Variants in SPATA3 observed in about 807,000 individuals in gnomAD.
SPATA3 encodes the protein spermatogenesis-associated protein 3.
SPATA3 carries 6 observed loss-of-function variants against 5.7 expected under a neutral mutation model. The observed-to-expected ratio is 1.06, with a 90% confidence interval of 0.58 to 2.09. The LOEUF (loss-of-function observed/expected upper bound fraction) is 2.09, where lower values mean the gene tolerates loss of function less well. SPATA3 is among the 30% of genes most tolerant of loss of function. SPATA3 has a pLI of 0.00. For synonymous variants in SPATA3, 44 were observed against 48.4 expected (o/e 0.91, Z 0.37); for missense variants, 155 against 130.4 (o/e 1.19, Z -0.92).
At chr2:231,000,333 G>T (rs1164801798) in intron 1 of SPATA3, 33 bp from the exon 2 acceptor site, 2 of 1,423,944 alleles carry the variant, frequency 1.4e-6, no homozygotes, top group Non-Finnish European at 1.9e-6. Flanking sequence ...CAGGGCAGGT[G>T]CCTCCCTCAC....
downstream of SPATA3, among the ~76,000 whole-genome samples, chr2:231,011,005 C>T (rs192644135): frequency 1.0e-3 from 136 of 130,580 alleles, 3 homozygotes; most frequent in East Asian, 0.027. Flanking sequence ...CCTGGGAGGT[C>T]AAGGCTGCAG....
intron 6 of SPATA3, among the ~76,000 whole-genome samples, chr2:231,015,833 A>G (rs923160409): frequency 6.6e-6 from 1 of 152,228 alleles, no homozygotes; most frequent in African/African-American, 2.4e-5. Context: ...TGAAAATGCA[A>G]ATGTCTCAGA....
chr2:231,001,989 A>T (rs932032978), intron 2 of SPATA3, among the ~76,000 whole-genome samples: 1 of 152,228 alleles, frequency 6.6e-6, no homozygotes, highest in African/African-American at 2.4e-5. Context: ...AAGCGGGAGC[A>T]ATCTGGGTGC....
At chr2:231,004,074 G>A (rs887787636), downstream of SPATA3, 4 of 152,194 alleles carry the variant, frequency 2.6e-5, no homozygotes, top group Admixed American at 2.0e-4. Context: ...AGGTGATGGC[G>A]CTGGGAGAAG....
At chr2:231,005,328 T>C (rs1176426990), downstream of SPATA3, among the ~76,000 whole-genome samples, 33 of 16,754 alleles carry the variant, frequency 2.0e-3, no homozygotes, top group East Asian at 2.7e-3. Context: ...ATCATCACCA[T>C]CATCACCATC....
rs1306247266 is a variant in SPATA3 at position 231,018,370 on chromosome 2, C to T, written c.*566-1350C>T. 8.5e-5 allele frequency among the ~76,000 whole-genome samples: 13 copies of T among 152,104 alleles called. No homozygotes were observed. The East Asian group carries it at 2.5e-3, about 29-fold the overall frequency. ...TCTGCATAATAAGAAAACCTTAGCT[C>T]ACCATGCATCTCCTCCCCTCTCCTT... On this transcript the variant is annotated intron_variant, in intron 6 of 8. Transcript: ENST00000452881.
downstream of SPATA3, among the ~76,000 whole-genome samples, chr2:231,003,689 G>A (rs1001600969): frequency 1.3e-5 from 2 of 152,204 alleles, no homozygotes; most frequent in South Asian, 2.1e-4. Flanking sequence ...TTCCCTAGAG[G>A]AGGGGCAGCT....
chr2:231,018,969 CTTT>C (rs10652495), intron 6 of SPATA3, among the ~76,000 whole-genome samples: 1 of 126,304 alleles, frequency 7.9e-6, no homozygotes, highest in African/African-American at 3.0e-5. Context: ...TTTTCTTTTT[CTTT>C]TTTTTTTTTT....
chr2:231,014,571 C>A (rs34548579), intron 6 of SPATA3, among the ~76,000 whole-genome samples: 1 of 151,772 alleles, frequency 6.6e-6, no homozygotes, highest in African/African-American at 2.4e-5. Context: ...TCCTGGGGGA[C>A]GGAAGCTGCC....
At chr2:230,997,747 G>A (rs992911720) in intron 1 of SPATA3, among the ~76,000 whole-genome samples, 159 of 152,346 alleles carry the variant, frequency 1.0e-3, no homozygotes, top group African/African-American at 3.6e-3. Context: ...ATTGGATTGT[G>A]TAGAGGGAAT....
At chr2:231,013,165 C>T (rs1039086340) in intron 5 of SPATA3, among the ~76,000 whole-genome samples, 1 of 152,116 alleles carries the variant, frequency 6.6e-6, no homozygotes, top group Non-Finnish European at 1.5e-5. Flanking sequence ...GACTCACCAC[C>T]GAGTCTCCCC....
chr2:231,005,163 CCATCAT>C (rs1559197417), downstream of SPATA3, among the ~76,000 whole-genome samples: 1 of 50,314 alleles, frequency 2.0e-5, no homozygotes, highest in African/African-American at 5.9e-5. Flanking sequence ...ATCACCATCA[CCATCAT>C]CACCATCATC....
rs34135970 is a variant in SPATA3 at position 230,998,977 on chromosome 2, G to A, written c.791-1389G>A. 3.2e-3 allele frequency among the ~76,000 whole-genome samples: 492 copies of A among 152,224 alleles called. 3 individuals carry two copies. Among genetic ancestry groups the A allele is most frequent in the African/African-American group, 0.011 (460 of 41,518 alleles). ...CAGCATTTGTAATAGCCAAAAAGTG[G>A]GAACAACCCAAATGTCCATCAGCTG... On this transcript the variant is annotated intron_variant, in intron 1 of 2. Coordinates refer to ENST00000645363, the Ensembl canonical transcript of SPATA3.
At chr2:231,007,057 C>A (rs918307380), downstream of SPATA3, among the ~76,000 whole-genome samples, 3 of 152,092 alleles carry the variant, frequency 2.0e-5, no homozygotes, top group Admixed American at 1.3e-4. Context: ...GGAGTGGGTG[C>A]AAGGAATGGA....
chr2:231,005,430 C>A (rs1443439386), downstream of SPATA3, among the ~76,000 whole-genome samples: 1 of 58,734 alleles, frequency 1.7e-5, no homozygotes, highest in South Asian at 7.1e-4. Flanking sequence ...ATCACCACCA[C>A]CACCACAATC....
chr2:231,004,641 A>G (rs933300678), downstream of SPATA3, among the ~76,000 whole-genome samples: 2 of 152,008 alleles, frequency 1.3e-5, no homozygotes, highest in African/African-American at 4.8e-5. Flanking sequence ...GAGTTAAAGC[A>G]TTTTCTCTTC....
At chr2:231,005,146 C>CAGT (rs1692517352), downstream of SPATA3, among the ~76,000 whole-genome samples, 1 of 79,274 alleles carries the variant, frequency 1.3e-5, no homozygotes, top group Non-Finnish European at 3.1e-5. Context: ...CCACCACCAC[C>CAGT]ATCACCATCA....
At chr2:231,019,186 G>C (rs1048581941) in intron 6 of SPATA3, among the ~76,000 whole-genome samples, 3 of 151,038 alleles carry the variant, frequency 2.0e-5, no homozygotes, top group Non-Finnish European at 4.4e-5. Flanking sequence ...AGCCAGGATG[G>C]TCTCGATCTC....
downstream of SPATA3, among the ~76,000 whole-genome samples, chr2:231,011,806 A>T (rs962709431): frequency 6.6e-6 from 1 of 152,084 alleles, no homozygotes; most frequent in Admixed American, 6.5e-5. Context: ...GCCACCAATG[A>T]CCCATCAGAG....
Sources: gnomAD v4.1 joint callset for allele counts (sites outside exome capture counted in the v4.1 genomes callset) on GRCh38, gnomAD v4.1.1 for gene constraint, MANE v1.5 for transcripts, NCBI Gene and HGNC (gene_info 2026-07-23, HGNC 2026-07-21) for gene names.